The following STK24 variants were observed in gnomAD, a reference collection of about 807,000 sequenced individuals.
The protein encoded by STK24 is serine/threonine kinase 24, also known as serine/threonine-protein kinase 24.
A neutral mutation model predicts 55.6 loss-of-function variants in STK24; 21 were observed. The ratio of observed to expected loss-of-function variants is 0.38; its 90% confidence interval spans 0.27 to 0.54. The LOEUF is 0.54. Among genes scored for constraint, STK24 ranks in the 20% least tolerant of loss-of-function variants. The probability of loss-of-function intolerance (pLI) is 0.79; values close to 1 mark genes in which losing one functional copy is unlikely to be tolerated. For synonymous variants in STK24, 200 were observed against 215.2 expected (o/e 0.93, Z 0.62); for missense variants, 383 against 538.4 (o/e 0.71, Z 2.86).
chr13:98,527,483 A>T (rs1355653383), intron 1 of STK24, among the ~76,000 whole-genome samples: 1 of 152,220 alleles, frequency 6.6e-6, no homozygotes, highest in Non-Finnish European at 1.5e-5. Context: ...ACGAAAGTTA[A>T]GACCTCAAAG....
At chr13:98,457,442 G>A (rs1053317029) in intron 9 of STK24, 138 bp from the exon 10 acceptor site, 1 of 1,176,574 alleles carries the variant, frequency 8.5e-7, no homozygotes, top group Non-Finnish European at 1.2e-6. Flanking sequence ...GCTTTGGCTA[G>A]GGCTCCAGGC....
In STK24 at chr13:98,466,540, T is replaced by C. The variant is rs1893933008; in HGVS notation, c.619A>G (p.Ile207Val). The C allele has an allele frequency of 1.2e-6, 2 of 1,613,934 alleles. No individual in the cohort carries two copies. Among genetic ancestry groups the C allele is most frequent in the African/African-American group, 2.7e-5 (2 of 74,944 alleles). The change falls in exon 6 of 11, where the codon ATA (isoleucine) becomes GTA (valine). Residue 207 changes from isoleucine (I) to valine (V), a missense_variant. By Grantham distance (29) the Ile-to-Val change is conservative (BLOSUM62 3). Coordinates refer to ENST00000539966, the MANE Select transcript of STK24 (RefSeq NM_001032296.4). ...CCTCTTGCAAGTTCAATAGCTGTTA[T>C]GCCCAGGGACCAGATGTCTGCCTGC... is the stretch of plus-strand genomic sequence containing the variant. ...DSKADIWSLGITAIELARGEP... is the reference protein window; with the variant it reads ...DSKADIWSLGVTAIELARGEP...
At position 98,448,148 on chromosome 13, in the gene STK24, C is replaced by T. The variant is rs1594554717; in HGVS notation, c.*5025G>A. 5 of 1,154,692 alleles carry T rather than the reference C, an allele frequency of 4.3e-6. No homozygotes were observed. The East Asian group carries it at 1.2e-4, about 27-fold the overall frequency. 71.5% of individuals were successfully genotyped at this position (1,154,692 alleles called of 1,614,324 possible). On this transcript the variant is annotated 3_prime_UTR_variant, in exon 11 of 11. Coordinates refer to ENST00000539966, the MANE Select transcript of STK24 (RefSeq NM_001032296.4). ...GATTACCAACCAGGCGGCCTGACTT[C>T]ACCTTGTGTTTCTGTAAGCGATGCC...
chr13:98,468,928 G>A (rs1422820310), intron 5 of STK24, among the ~76,000 whole-genome samples: 1 of 152,164 alleles, frequency 6.6e-6, no homozygotes, highest in African/African-American at 2.4e-5. Flanking sequence ...GATCTCTGAC[G>A]GATGCACCTC....
chr13:98,553,933 G>A (rs562731944), intron 1 of STK24, among the ~76,000 whole-genome samples: 1 of 152,094 alleles, frequency 6.6e-6, no homozygotes, highest in South Asian at 2.1e-4. Flanking sequence ...GTGGTGGCAG[G>A]TGCCTGTTAT....
chr13:98,547,327 G>A (rs7329816), intron 1 of STK24, among the ~76,000 whole-genome samples: 2,403 of 152,236 alleles, frequency 0.016, 66 homozygotes, highest in African/African-American at 0.055. Context: ...TGGGAGAATC[G>A]TTTGAGGCCA....
chr13:98,511,395 T>G (rs1358693973), intron 2 of STK24, among the ~76,000 whole-genome samples: 2 of 152,308 alleles, frequency 1.3e-5, no homozygotes, highest in East Asian at 3.9e-4. Context: ...ATACAGGCAC[T>G]CTGGAAAATT....
Position 98,573,774 on chromosome 13 carries a change from G to C in STK24, c.42+2971C>G, listed in dbSNP as rs142287619. On this transcript the variant is annotated intron_variant, in intron 1 of 10. Transcript: ENST00000539966. ...ATGAGTGGGAGTAGGAGGAGTAGTA[G>C]TTTCCAATCACAAATTTGCCACATA... 2.2e-4 allele frequency among the ~76,000 whole-genome samples: 33 copies of C among 152,334 alleles called. No homozygotes were observed. In the East Asian group the frequency reaches 5.8e-3, roughly 27 times the overall value.
intron 1 of STK24, among the ~76,000 whole-genome samples, chr13:98,536,310 G>A (rs1449576322): frequency 6.6e-6 from 1 of 151,786 alleles, no homozygotes; most frequent in Non-Finnish European, 1.5e-5. Flanking sequence ...GAAAACAAAT[G>A]CCTTAGGCTT....
At chr13:98,491,926 G>A (rs1895052000) in intron 2 of STK24, among the ~76,000 whole-genome samples, 1 of 151,950 alleles carries the variant, frequency 6.6e-6, no homozygotes, top group East Asian at 1.9e-4. Context: ...TAAAACACAT[G>A]GCAAAATTTT....
At chr13:98,461,986 C>G in intron 7 of STK24, 89 bp from the exon 8 acceptor site, 1 of 1,542,562 alleles carries the variant, frequency 6.5e-7, no homozygotes, top group Non-Finnish European at 8.8e-7. Context: ...GCCTGGGGAC[C>G]TCTAAACCCA....
intron 3 of STK24, among the ~76,000 whole-genome samples, chr13:98,481,885 C>T (rs1406304002): frequency 6.6e-6 from 1 of 151,788 alleles, no homozygotes; most frequent in Non-Finnish European, 1.5e-5. Flanking sequence ...CTATTTCTAC[C>T]CAAAAACAAC....
At chr13:98,568,470 A>AGG (rs1213175452) in intron 1 of STK24, among the ~76,000 whole-genome samples, 4 of 152,196 alleles carry the variant, frequency 2.6e-5, no homozygotes, top group African/African-American at 9.6e-5. Flanking sequence ...CCCAAAGTCA[A>AGG]GGAAATGATG....
chr13:98,576,697 C>T, intron 1 of STK24, 48 bp downstream of exon 1: 1 of 1,439,098 alleles, frequency 6.9e-7, no homozygotes, highest in Non-Finnish European at 9.2e-7. Context: ...CAAGTTGCTG[C>T]TTCCGCCCCG....
intron 2 of STK24, among the ~76,000 whole-genome samples, chr13:98,509,849 G>A (rs1566376274): frequency 2.0e-5 from 3 of 151,464 alleles, no homozygotes; most frequent in Admixed American, 6.6e-5. Flanking sequence ...TCTCTCTGTC[G>A]CTCTCTCTCT....
intron 2 of STK24, among the ~76,000 whole-genome samples, chr13:98,507,654 T>C (rs1250997260): frequency 6.6e-6 from 1 of 152,184 alleles, no homozygotes; most frequent in African/African-American, 2.4e-5. Flanking sequence ...AAGACAAGTA[T>C]GCCCAGTGTC....
At chr13:98,512,429 G>A (rs938937429) in intron 2 of STK24, among the ~76,000 whole-genome samples, 1 of 152,012 alleles carries the variant, frequency 6.6e-6, no homozygotes, top group Non-Finnish European at 1.5e-5. Flanking sequence ...GACTTAGAGC[G>A]AAACAGGTCA....
chr13:98,575,829 T>G (rs1897875629), intron 1 of STK24, among the ~76,000 whole-genome samples: 2 of 152,294 alleles, frequency 1.3e-5, no homozygotes, highest in South Asian at 4.1e-4. Flanking sequence ...CTACAAAGTT[T>G]ACAAGAGTTA....
intron 3 of STK24, among the ~76,000 whole-genome samples, chr13:98,479,910 C>T (rs1894521625): frequency 6.7e-6 from 1 of 150,104 alleles, no homozygotes; most frequent in Non-Finnish European, 1.5e-5. Flanking sequence ...TGGTAGAGGA[C>T]ACTGCGGGGT....
Sources: gnomAD v4.1 joint callset for allele counts (sites outside exome capture counted in the v4.1 genomes callset) on GRCh38, gnomAD v4.1.1 for gene constraint, MANE v1.5 for transcripts, NCBI Gene and HGNC (gene_info 2026-07-23, HGNC 2026-07-21) for gene names.